The following HFM1 variants were observed in gnomAD, a reference collection of about 807,000 sequenced individuals.
HFM1 encodes the protein probable ATP-dependent DNA helicase HFM1.
A neutral mutation model predicts 192.1 loss-of-function variants in HFM1; 169 were observed. The ratio of observed to expected loss-of-function variants is 0.88; its 90% confidence interval spans 0.78 to 1.00. The LOEUF is 1.00. Ranked by LOEUF, HFM1 falls within the 50% of genes least tolerant of loss-of-function variation. The pLI, the probability that HFM1 is intolerant of heterozygous loss-of-function variation, is 0.00. For synonymous variants in HFM1, 525 were observed against 537.8 expected (o/e 0.98, Z 0.33); for missense variants, 1,661 against 1,668.0 (o/e 1.00, Z 0.07).
chr1:91,347,338 G>T, intron 19 of HFM1, 91 bp downstream of exon 19: 2 of 642,448 alleles, frequency 3.1e-6, no homozygotes, highest in Admixed American at 3.0e-5. Context: ...TTTAAAAAAT[G>T]ATTTACAAAA....
chr1:91,276,975 A>G lies in HFM1; in HGVS notation c.3472+7T>C. The G allele has an allele frequency of 6.5e-7, 1 of 1,537,276 alleles. No homozygotes were observed. Among genetic ancestry groups the G allele is most frequent in the Non-Finnish European group, 8.9e-7 (1 of 1,129,916 alleles). On this transcript the variant is annotated splice_region_variant and intron_variant, in intron 31 of 38. Coordinates refer to ENST00000370425, the MANE Select transcript of HFM1 (RefSeq NM_001017975.6). ...CACTTTAAATAAACTTGTTTTAAGGAACTCACAGCAGTCATGTCCACATGT... is the reference window on the plus strand; with the variant it reads ...CACTTTAAATAAACTTGTTTTAAGGGACTCACAGCAGTCATGTCCACATGT...
At chr1:91,311,972 T>A (rs1341183957) in intron 30 of HFM1, among the ~76,000 whole-genome samples, 4 of 152,186 alleles carry the variant, frequency 2.6e-5, no homozygotes, top group African/African-American at 7.2e-5. Flanking sequence ...GCTTCAAGGC[T>A]TGTGGAAGCC....
At chr1:91,359,439 C>T (rs375796917) in intron 13 of HFM1, among the ~76,000 whole-genome samples, 1 of 151,712 alleles carries the variant, frequency 6.6e-6, no homozygotes, top group South Asian at 2.1e-4. Flanking sequence ...AGAAACACAA[C>T]ACGAGAACTT....
intron 30 of HFM1, among the ~76,000 whole-genome samples, chr1:91,299,713 A>T (rs1212459151): frequency 6.6e-6 from 1 of 152,230 alleles, no homozygotes; most frequent in Non-Finnish European, 1.5e-5. Flanking sequence ...GAAGGCAGAA[A>T]TAAAGATGTT....
chr1:91,330,713 C>T (rs983988301), intron 20 of HFM1, among the ~76,000 whole-genome samples: 6 of 152,202 alleles, frequency 3.9e-5, no homozygotes, highest in Admixed American at 6.5e-5. Context: ...AGGGAAACTA[C>T]AGGCCAATAT....
chr1:91,286,927 C>A (rs1668040898), intron 30 of HFM1, among the ~76,000 whole-genome samples: 1 of 152,190 alleles, frequency 6.6e-6, no homozygotes, highest in African/African-American at 2.4e-5. Context: ...TGGGTCACTC[C>A]CACCCGAATA....
intron 18 of HFM1, among the ~76,000 whole-genome samples, chr1:91,350,507 G>T (rs902219331): frequency 6.6e-6 from 1 of 151,898 alleles, no homozygotes. Context: ...TTTTCTACTA[G>T]ATCTATTTTT....
At chr1:91,275,544 C>A (rs990761633) in intron 32 of HFM1, among the ~76,000 whole-genome samples, 1 of 152,202 alleles carries the variant, frequency 6.6e-6, no homozygotes, top group Non-Finnish European at 1.5e-5. Flanking sequence ...TCTATTTCAG[C>A]AAACTTGCTT....
intron 28 of HFM1, among the ~76,000 whole-genome samples, chr1:91,315,478 A>G (rs961069160): frequency 6.6e-6 from 1 of 152,172 alleles, no homozygotes; most frequent in African/African-American, 2.4e-5. Flanking sequence ...GGTCAGTAGG[A>G]GAAAGACTGC....
intron 4 of HFM1, among the ~76,000 whole-genome samples, 182 bp from the exon 5 acceptor site, chr1:91,386,016 T>C (rs1460431295): frequency 1.3e-5 from 2 of 152,192 alleles, no homozygotes; most frequent in Admixed American, 1.3e-4. Context: ...GTCTTTCTAC[T>C]TTCCTAAAAC....
chr1:91,407,953 G>A (rs182839800), upstream of HFM1, among the ~76,000 whole-genome samples: 79 of 152,222 alleles, frequency 5.2e-4, 1 homozygote, highest in East Asian at 0.011. Context: ...GCAACACAGC[G>A]AGACTTCATC....
Position 91,402,644 on chromosome 1 carries a change from T to C in HFM1, c.-27-1535A>G, listed in dbSNP as rs142889448. Reference sequence around the variant, plus strand: ...TTGAAAACAATTATCTGAAAAAGTATAAATGAAAATGTTAATCATGTTTTT... The same window carrying C: ...TTGAAAACAATTATCTGAAAAAGTACAAATGAAAATGTTAATCATGTTTTT... On this transcript the variant is annotated intron_variant, in intron 1 of 38. Coordinates refer to ENST00000370425, the MANE Select transcript of HFM1 (RefSeq NM_001017975.6). Among the ~76,000 whole-genome samples the C allele has an allele frequency of 2.0e-3, 311 of 152,244 alleles. 4 individuals carry two copies. Among genetic ancestry groups the C allele is most frequent in the African/African-American group, 7.2e-3 (300 of 41,566 alleles).
At chr1:91,303,511 C>A (rs1228870709) in intron 30 of HFM1, among the ~76,000 whole-genome samples, 2 of 152,094 alleles carry the variant, frequency 1.3e-5, no homozygotes, top group Non-Finnish European at 2.9e-5. Flanking sequence ...GTTTTCAATT[C>A]TTTTGGATAT....
chr1:91,386,778 T>C (rs563687114), intron 4 of HFM1, among the ~76,000 whole-genome samples: 1 of 152,330 alleles, frequency 6.6e-6, no homozygotes, highest in African/African-American at 2.4e-5. Context: ...AGGAATAAGT[T>C]AACAGACTTG....
chr1:91,328,398 G>A lies in HFM1; in HGVS notation c.2336-3632C>T. On this transcript the variant is annotated intron_variant, in intron 20 of 38. Coordinates refer to ENST00000370425, the MANE Select transcript of HFM1 (RefSeq NM_001017975.6). The stretch of plus-strand genomic sequence containing the variant: ...GTGTTGCCATGGGTATTCAAGGCCT[G>A]GCCAAACTAATTGCTGATGTGGCCC... 5.7e-6 allele frequency: 9 copies of A among 1,591,734 alleles called. No homozygotes were observed. The South Asian group carries it at 5.8e-5, about 10-fold the overall frequency.
intron 6 of HFM1, among the ~76,000 whole-genome samples, chr1:91,383,930 AAT>A (rs77367723): frequency 0.01 from 354 of 34,856 alleles, no homozygotes; most frequent in African/African-American, 0.034. Context: ...CTCCTTAAAA[AAT>A]ATACCATTTT....
At chr1:91,359,267 C>T (rs1016327410) in intron 13 of HFM1, among the ~76,000 whole-genome samples, 1 of 152,034 alleles carries the variant, frequency 6.6e-6, no homozygotes, top group Non-Finnish European at 1.5e-5. Flanking sequence ...GCTGAATCGA[C>T]AGAAGTAGGC....
At chr1:91,279,632 C>T (rs1040989735) in intron 30 of HFM1, among the ~76,000 whole-genome samples, 1 of 152,178 alleles carries the variant, frequency 6.6e-6, no homozygotes. Context: ...CATTCAATTG[C>T]CATTCTTCAA....
chr1:91,314,087 G>C, intron 28 of HFM1, 27 bp from the exon 29 acceptor site: 1 of 1,325,424 alleles, frequency 7.5e-7, no homozygotes, highest in Non-Finnish European at 1.1e-6. Flanking sequence ...TTTAAATAGT[G>C]ATCCAAACAC....
Sources: gnomAD v4.1 joint callset for allele counts (sites outside exome capture counted in the v4.1 genomes callset) on GRCh38, gnomAD v4.1.1 for gene constraint, MANE v1.5 for transcripts, NCBI Gene and HGNC (gene_info 2026-07-23, HGNC 2026-07-21) for gene names.